The following ATF3 variants were observed in gnomAD, a reference collection of about 807,000 sequenced individuals.
The protein encoded by ATF3 is cyclic AMP-dependent transcription factor ATF-3.
In ATF3, 10 loss-of-function variants were observed where a neutral mutation model predicts 18.4. The ratio of observed to expected loss-of-function variants is 0.54; its 90% CI spans 0.34 to 0.92. ATF3 has a LOEUF of 0.92. ATF3 is among the 40% of genes least tolerant of loss of function. The pLI, the probability that ATF3 is intolerant of heterozygous loss-of-function variation, is 0.02. For missense variants in ATF3, 183 were observed against 222.3 expected (o/e 0.82, Z 1.12); for synonymous variants, 78 against 87.9 (o/e 0.89, Z 0.63).
chr1:212,576,912 T>A (rs1465802640), intron 1 of ATF3, among the ~76,000 whole-genome samples: 1 of 151,758 alleles, frequency 6.6e-6, no homozygotes, highest in Non-Finnish European at 1.5e-5. Context: ...TTTGTATTTT[T>A]AGTAGAGACG....
At position 212,594,931 on chromosome 1, in the gene ATF3, G is replaced by A. The variant is rs543523846; in HGVS notation, c.-4-20087G>A. On this transcript the variant is annotated intron_variant, in intron 1 of 3. Transcript: ENST00000366981. ...TTAGCATGTATTGAACTGAATACAT[G>A]TGCAGGGGCTCACAGCCATTCCGAT... Among the ~76,000 whole-genome samples the A allele has an allele frequency of 2.0e-5, 3 of 152,298 alleles. No individual in the cohort carries two copies. In the East Asian group the frequency reaches 5.8e-4, roughly 29 times the overall value.
rs377098998 is a variant in ATF3 at position 212,619,351 on chromosome 1, C to A, written c.349-7C>A. ...CTTTCTTGATGCCTCTGTTGCTTGT[C>A]CCCCAGGAGTCGGAGAAGCTGGAAA... On this transcript the variant is annotated splice_region_variant and splice_polypyrimidine_tract_variant and intron_variant, in intron 3 of 3. Coordinates refer to ENST00000341491, the MANE Select transcript of ATF3 (RefSeq NM_001674.4). This position sits in a 1 kb window ranked among gnomAD's most constrained non-coding sequence, Gnocchi z 4.4. The A allele has an allele frequency of 1.2e-6, 2 of 1,612,858 alleles. No homozygotes were observed. Among genetic ancestry groups the A allele is most frequent in the African/African-American group, 1.3e-5 (1 of 74,850 alleles).
intron 1 of ATF3, among the ~76,000 whole-genome samples, chr1:212,569,827 TA>T (rs1664448204): frequency 6.6e-6 from 1 of 152,192 alleles, no homozygotes; most frequent in Non-Finnish European, 1.5e-5. Flanking sequence ...TTATTGTAGC[TA>T]AATCTATGTT....
chr1:212,597,530 T>C (rs991578842), intron 1 of ATF3, among the ~76,000 whole-genome samples: 5 of 152,122 alleles, frequency 3.3e-5, no homozygotes, highest in Non-Finnish European at 1.5e-5. Context: ...CTGCCCCATA[T>C]CAACCCTGCA....
intron 1 of ATF3, among the ~76,000 whole-genome samples, chr1:212,596,992 A>G (rs1665006477): frequency 6.6e-6 from 1 of 152,254 alleles, no homozygotes; most frequent in African/African-American, 2.4e-5. Flanking sequence ...TAGGCACTCA[A>G]TACATACACG....
chr1:212,619,352 C>G lies in ATF3; in HGVS notation c.349-6C>G. The G allele has an allele frequency of 6.2e-7, 1 of 1,613,036 alleles. No homozygotes were observed. The highest frequency in any genetic ancestry group is 1.1e-5 in the South Asian group (1 of 91,010). On this transcript the variant is annotated splice_region_variant and splice_polypyrimidine_tract_variant and intron_variant, in intron 3 of 3. Coordinates refer to ENST00000341491, the MANE Select transcript of ATF3 (RefSeq NM_001674.4). The surrounding 1 kb of genome is among the most constrained non-coding windows in gnomAD (Gnocchi z 4.4). ...TTTCTTGATGCCTCTGTTGCTTGTC[C>G]CCCAGGAGTCGGAGAAGCTGGAAAG...
intron 2 of ATF3, among the ~76,000 whole-genome samples, 181 bp from the exon 3 acceptor site, chr1:212,617,946 C>CGTGT (rs3839030): frequency 6.7e-6 from 1 of 150,128 alleles, no homozygotes; most frequent in African/African-American, 2.5e-5. Flanking sequence ...TGTGTGTGTG[C>CGTGT]GTGTGTGTGT....
intron 1 of ATF3, among the ~76,000 whole-genome samples, chr1:212,593,871 G>A (rs1664940523): frequency 1.3e-5 from 2 of 150,666 alleles, no homozygotes; most frequent in Admixed American, 1.3e-4. Flanking sequence ...TTATTTTTCT[G>A]TAGATCTTTA....
At chr1:212,573,754 C>T (rs556450238) in intron 1 of ATF3, among the ~76,000 whole-genome samples, 20 of 151,880 alleles carry the variant, frequency 1.3e-4, no homozygotes, top group South Asian at 4.2e-4. Context: ...AGTTCTTCAG[C>T]CGTGATTGGC....
In ATF3 at chr1:212,596,580, T is replaced by C. The variant is rs1301613158; in HGVS notation, c.-4-18438T>C. 2.0e-5 allele frequency among the ~76,000 whole-genome samples: 3 copies of C among 152,170 alleles called. 1 individual carries two copies. The highest frequency in any genetic ancestry group is 1.3e-4 in the Admixed American group (2 of 15,284). On this transcript the variant is annotated intron_variant, in intron 1 of 3. Transcript: ENST00000366981. ...CTTTGGTTCTACATGTCAGGACATG[T>C]AACAGAGCCAAGGCAGAAGAGTGCT...
chr1:212,576,394 G>C (rs897750433), intron 1 of ATF3, among the ~76,000 whole-genome samples: 1 of 151,736 alleles, frequency 6.6e-6, no homozygotes, highest in African/African-American at 2.4e-5. Context: ...AACTAACTTT[G>C]TGTTTTATTC....
intron 1 of ATF3, among the ~76,000 whole-genome samples, chr1:212,576,593 T>C (rs1664579604): frequency 6.6e-6 from 1 of 151,924 alleles, no homozygotes; most frequent in African/African-American, 2.4e-5. Flanking sequence ...ACTTGTCCTT[T>C]TGACCACAGC....
At chr1:212,584,075 G>T (rs1351763539) in intron 1 of ATF3, among the ~76,000 whole-genome samples, 1 of 151,796 alleles carries the variant, frequency 6.6e-6, no homozygotes, top group Non-Finnish European at 1.5e-5. Context: ...TCACACACAG[G>T]GTACTCATAG....
chr1:212,602,036 C>T (rs1326483950), intron 1 of ATF3, among the ~76,000 whole-genome samples: 1 of 151,982 alleles, frequency 6.6e-6, no homozygotes, highest in Non-Finnish European at 1.5e-5. Flanking sequence ...ATTAAGGAAA[C>T]AGATATAAAT....
chr1:212,616,407 A>C (rs974005446), intron 2 of ATF3, among the ~76,000 whole-genome samples: 1 of 151,836 alleles, frequency 6.6e-6, no homozygotes, highest in Non-Finnish European at 1.5e-5. Flanking sequence ...AGGGATTCTC[A>C]TGCCTCAGTC....
At chr1:212,587,513 T>C (rs1157370464) in intron 1 of ATF3, among the ~76,000 whole-genome samples, 2 of 152,214 alleles carry the variant, frequency 1.3e-5, no homozygotes, top group Admixed American at 6.5e-5. Flanking sequence ...CCAACCCACA[T>C]GCTTAGAAGC....
intron 1 of ATF3, among the ~76,000 whole-genome samples, chr1:212,593,603 T>C (rs1379857853): frequency 6.6e-6 from 1 of 151,930 alleles, no homozygotes; most frequent in African/African-American, 2.4e-5. Context: ...TAGCCAGGCA[T>C]GGTGGCATGT....
At chr1:212,570,083 A>T (rs1170812895) in intron 1 of ATF3, among the ~76,000 whole-genome samples, 1 of 152,112 alleles carries the variant, frequency 6.6e-6, no homozygotes, top group African/African-American at 2.4e-5. Context: ...ATCTGCAGTG[A>T]TTTAAAATGT....
At chr1:212,571,952 T>TC (rs145773993) in intron 1 of ATF3, among the ~76,000 whole-genome samples, 43,856 of 150,926 alleles carry the variant, frequency 0.29, 6,570 homozygotes, top group South Asian at 0.34. Flanking sequence ...GACCTCGTGA[T>TC]CCGCCCGGCT....
Sources: allele counts gnomAD v4.1 joint callset (sites outside exome capture counted in the v4.1 genomes callset), GRCh38; gene constraint gnomAD v4.1.1; non-coding constraint Gnocchi (gnomAD v3.1); transcripts MANE v1.5; gene names NCBI Gene and HGNC (gene_info 2026-07-23, HGNC 2026-07-21).